CRYGB: variants seen among roughly 807,000 people sequenced by gnomAD.
CRYGB encodes the protein gamma-crystallin B.
In CRYGB, 19 loss-of-function variants were observed where a neutral mutation model predicts 21.3. That is an observed-to-expected ratio of 0.89 (90% CI 0.62 to 1.31). The LOEUF is 1.31. CRYGB is among the 50% of genes most tolerant of loss of function. The pLI, the probability that CRYGB is intolerant of heterozygous loss-of-function variation, is 0.00. For synonymous variants in CRYGB, 81 were observed against 81.2 expected, an observed-to-expected ratio of 1.00 and a Z score of 0.01; for missense variants, 254 against 228.4, an observed-to-expected ratio of 1.11 and a Z score of -0.72.
At chr2:208,144,700 C>T (rs541228461) in intron 2 of CRYGB, among the ~76,000 whole-genome samples, 2 of 151,658 alleles carry the variant, frequency 1.3e-5, no homozygotes, top group African/African-American at 4.8e-5. Context: ...AAGCGATTCT[C>T]CTGCCTCAGC....
intron 2 of CRYGB, among the ~76,000 whole-genome samples, chr2:208,143,152 A>G (rs1449507550): frequency 6.6e-6 from 1 of 152,218 alleles, no homozygotes; most frequent in African/African-American, 2.4e-5. Context: ...TTACAATAAA[A>G]TATCACATCA....
Position 208,146,155 on chromosome 2 carries a change from G to C in CRYGB, c.-35C>G. 6.2e-7 allele frequency: 1 copy of C among 1,613,134 alleles called. No individual in the cohort carries two copies. ...AGTGAGCAGATGTTTTCTGGTTGCT[G>C]TGTGGGACTGCGGGAACGTCACTGT... is the stretch of plus-strand genomic sequence containing the variant. On this transcript the variant is annotated 5_prime_UTR_variant, in exon 1 of 3. Coordinates refer to ENST00000260988, the MANE Select transcript of CRYGB (RefSeq NM_005210.4).
At chr2:208,145,751 G>A (rs377372285) in intron 2 of CRYGB, 23 bp downstream of exon 2, 1 of 1,585,158 alleles carries the variant, frequency 6.3e-7, no homozygotes, top group South Asian at 1.1e-5. Context: ...AAAGATGGAA[G>A]GCAAAGACAG....
intron 2 of CRYGB, among the ~76,000 whole-genome samples, chr2:208,144,693 C>T (rs1327601215): frequency 2.6e-5 from 4 of 151,472 alleles, no homozygotes; most frequent in African/African-American, 9.7e-5. Context: ...CGGGTTCAAG[C>T]GATTCTCCTG....
chr2:208,143,156 C>G (rs1341876348), intron 2 of CRYGB, among the ~76,000 whole-genome samples: 2 of 152,206 alleles, frequency 1.3e-5, no homozygotes, highest in Non-Finnish European at 2.9e-5. Flanking sequence ...AATAAAATAT[C>G]ACATCACTTT....
intron 2 of CRYGB, among the ~76,000 whole-genome samples, chr2:208,144,277 A>G (rs1254760795): frequency 1.3e-5 from 2 of 152,180 alleles, no homozygotes; most frequent in Non-Finnish European, 2.9e-5. Context: ...GGCCTCCCAA[A>G]AGTGCTGGGA....
Position 208,142,693 on chromosome 2 carries a change from C to T in CRYGB, c.473G>A (p.Trp158Ter). ...RPGEYRRFLD[W>*]GAPNAKVGSL... Reference sequence around the variant, plus strand: ...GCCAACTTTGGCATTTGGAGCCCCCCAATCAAGAAACCTCCTGTACTCCCC... The same window carrying T: ...GCCAACTTTGGCATTTGGAGCCCCCTAATCAAGAAACCTCCTGTACTCCCC... Residue 158 changes from tryptophan (W) to a stop codon, truncating the protein, a stop_gained, in exon 3 of 3, where the codon TGG (tryptophan) becomes TAG (stop). Coordinates refer to ENST00000260988, the MANE Select transcript of CRYGB (RefSeq NM_005210.4). LOFTEE classifies it high-confidence loss of function. The T allele has an allele frequency of 6.3e-7, 1 of 1,597,792 alleles. No homozygotes were observed. The highest frequency in any genetic ancestry group is 8.5e-7 in the Non-Finnish European group (1 of 1,174,070).
chr2:208,142,977 G>C (rs1695383366), intron 2 of CRYGB, 64 bp from the exon 3 acceptor site: 2 of 1,519,824 alleles, frequency 1.3e-6, no homozygotes, highest in African/African-American at 1.4e-5. Context: ...TAAAGCTCCA[G>C]TCCCTACACC....
intron 2 of CRYGB, among the ~76,000 whole-genome samples, chr2:208,143,440 C>T (rs956448598): frequency 6.6e-6 from 1 of 152,086 alleles, no homozygotes; most frequent in South Asian, 2.1e-4. Context: ...GTCATCGAGC[C>T]AGACTAAATT....
intron 2 of CRYGB, among the ~76,000 whole-genome samples, chr2:208,145,036 T>C (rs557971259): frequency 1.4e-4 from 22 of 152,314 alleles, no homozygotes; most frequent in African/African-American, 5.3e-4. Flanking sequence ...ATTCTAAGAA[T>C]TCTGCAGTCA....
rs1364244339 is a variant in CRYGB at position 208,145,983 on chromosome 2, G to A, written c.43C>T (p.Arg15Cys). 4 of 1,614,160 alleles carry A rather than the reference G, an allele frequency of 2.5e-6. No individual in the cohort carries two copies. Among genetic ancestry groups the A allele is most frequent in the South Asian group, 2.2e-5 (2 of 91,074 alleles). The change falls in exon 2 of 3, where the codon CGC becomes TGC. Residue 15 changes from arginine to cysteine, a missense_variant. By Grantham distance (180) the Arg-to-Cys change is radical (BLOSUM62 -3). Coordinates refer to ENST00000260988, the MANE Select transcript of CRYGB (RefSeq NM_005210.4). ...TFYEDRAFQG[R>C]SYECTTDCPN... ...CAGTCAGTGGTGCATTCGTAGCTGC[G>A]GCCCTGGAAGGCCCTGTCCTCGTAG...
intron 2 of CRYGB, among the ~76,000 whole-genome samples, chr2:208,144,195 T>C (rs1218993547): frequency 1.3e-5 from 2 of 151,724 alleles, no homozygotes; most frequent in Admixed American, 6.6e-5. Flanking sequence ...TAATTTTGTA[T>C]TTTTAGTAGA....
chr2:208,143,001 C>A (rs1447807604), intron 2 of CRYGB, 88 bp from the exon 3 acceptor site: 1 of 1,434,662 alleles, frequency 7.0e-7, no homozygotes, highest in Non-Finnish European at 9.3e-7. Flanking sequence ...CTGGCCACAC[C>A]TGCCCAGAAG....
At chr2:208,145,257 G>A (rs1407832728) in intron 2 of CRYGB, among the ~76,000 whole-genome samples, 3 of 120,860 alleles carry the variant, frequency 2.5e-5, no homozygotes, top group Non-Finnish European at 5.6e-5. Context: ...TGTTATTGTC[G>A]TTTTGAGATG....
In CRYGB at chr2:208,145,980, TG is replaced by T. The variant is rs758607268; in HGVS notation, c.45del (p.Ser16AlafsTer29). ...GGGCAGTCAGTGGTGCATTCGTAGC[TG>T]CGGCCCTGGAAGGCCCTGTCCTCGT... Reference protein sequence around the residue: ...TFYEDRAFQGRSYECTTDCPN... With the variant: ...TFYEDRAFQGXSYECTTDCPN... On this transcript the variant is annotated frameshift_variant, in exon 2 of 3. Coordinates refer to ENST00000260988, the MANE Select transcript of CRYGB (RefSeq NM_005210.4). LOFTEE classifies it high-confidence loss of function. 1 of 1,614,184 alleles carries T rather than the reference TG, an allele frequency of 6.2e-7. No individual in the cohort carries two copies. The highest frequency in any genetic ancestry group is 1.1e-5 in the South Asian group (1 of 91,082).
Position 208,142,762 on chromosome 2 carries a change from T to C in CRYGB, c.404A>G (p.Tyr135Cys), listed in dbSNP as rs762587426. 2.2e-5 allele frequency: 35 copies of C among 1,613,990 alleles called. 1 individual carries two copies. The South Asian group carries it at 2.6e-4, about 12-fold the overall frequency. The change falls in exon 3 of 3, where the codon TAT becomes TGT. Residue 135 changes from tyrosine (Y) to cysteine (C), a missense_variant. Transcript: ENST00000260988. ...LNVLEGSWIL[Y>C]EMPNYRGRQY... ...CCTCCCCCTGTAGTTGGGCATCTCA[T>C]AGAGGATCCAGCTGCCCTCCAGCAC...
chr2:208,145,858 G>A lies in CRYGB; in HGVS notation c.168C>T (p.Tyr56=), dbSNP rs200002639. The A allele has an allele frequency of 3.8e-5, 61 of 1,614,160 alleles. No individual in the cohort carries two copies. The African/African-American group carries it at 6.8e-4, about 18-fold the overall frequency. The change falls in exon 2 of 3, where the codon TAC becomes TAT. Residue 56 remains tyrosine (Y), a synonymous_variant. Coordinates refer to ENST00000260988, the MANE Select transcript of CRYGB (RefSeq NM_005210.4). ...CAGGGTACTCCCCACGCCGCAGGAAGTACTGGTGGCCCTGGTAGTTGGGGC... is the reference window on the plus strand; with the variant it reads ...CAGGGTACTCCCCACGCCGCAGGAAATACTGGTGGCCCTGGTAGTTGGGGC... The part of the protein sequence containing the change: ...YERPNYQGHQ[Y]FLRRGEYPDY...
intron 2 of CRYGB, among the ~76,000 whole-genome samples, chr2:208,144,528 T>C (rs112348673): frequency 0.051 from 7,685 of 151,790 alleles, 602 homozygotes; most frequent in African/African-American, 0.17. Context: ...CTCAGCCTCC[T>C]GAGTAGCTGG....
intron 2 of CRYGB, among the ~76,000 whole-genome samples, chr2:208,143,960 G>A (rs1043455101): frequency 2.6e-5 from 4 of 151,372 alleles, no homozygotes; most frequent in Non-Finnish European, 5.9e-5. Context: ...CATGTCTCAG[G>A]ACTTTCTGAG....
Sources: gnomAD v4.1 joint callset for allele counts (sites outside exome capture counted in the v4.1 genomes callset) on GRCh38, gnomAD v4.1.1 for gene constraint, MANE v1.5 for transcripts, NCBI Gene and HGNC (gene_info 2026-07-23, HGNC 2026-07-21) for gene names.